Variants in ANO1 observed in about 807,000 individuals in gnomAD.
ANO1 encodes anoctamin 1, also known as anoctamin-1.
Under a neutral mutation model 124.0 loss-of-function variants are expected in ANO1, and 59 were observed. The ratio of observed to expected loss-of-function variants is 0.48; its 90% confidence interval spans 0.39 to 0.59. The LOEUF (loss-of-function observed/expected upper bound fraction) is 0.59, where lower values mean the gene tolerates loss of function less well. ANO1 is among the 20% of genes least tolerant of loss of function. The pLI is 0.00. For synonymous variants in ANO1, 529 were observed against 532.0 expected, an observed-to-expected ratio of 0.99 and a Z score of 0.08; for missense variants, 1,059 against 1,328.0, an observed-to-expected ratio of 0.80 and a Z score of 3.15.
chr11:70,164,169 C>T (rs2048166190), intron 19 of ANO1, among the ~76,000 whole-genome samples: 1 of 152,210 alleles, frequency 6.6e-6, no homozygotes, highest in Non-Finnish European at 1.5e-5. Context: ...GGGGCTCCAT[C>T]AGACCAAGCC....
chr11:70,041,759 C>T (rs532804065), intron 1 of ANO1, among the ~76,000 whole-genome samples: 11 of 151,984 alleles, frequency 7.2e-5, no homozygotes, highest in African/African-American at 2.2e-4. Context: ...TACTTCCTTC[C>T]CTATTAGTAG....
intron 7 of ANO1, among the ~76,000 whole-genome samples, chr11:70,115,145 T>G (rs2045927363): frequency 6.6e-6 from 1 of 152,164 alleles, no homozygotes; most frequent in Non-Finnish European, 1.5e-5. Context: ...TAAACTGCTC[T>G]CAGAGCGTCT....
intron 10 of ANO1, among the ~76,000 whole-genome samples, chr11:70,127,792 A>G (rs1380476188): frequency 1.3e-5 from 2 of 152,162 alleles, no homozygotes; most frequent in Admixed American, 6.5e-5. Context: ...ATTTCCTGAC[A>G]TGAACCTAAG....
chr11:70,095,574 T>C (rs1346660147), intron 2 of ANO1, among the ~76,000 whole-genome samples: 1 of 152,256 alleles, frequency 6.6e-6, no homozygotes, highest in Admixed American at 6.5e-5. Context: ...ATTCTGGCTA[T>C]AGTTCTGAGG....
chr11:70,187,779 C>G lies in ANO1; in HGVS notation c.2736C>G (p.Ile912Met), dbSNP rs747605502. The part of the protein sequence containing the change: ...MFMSDFVDWV[I>M]PDIPKDISQQ... ...TGAGCGACTTTGTGGACTGGGTCAT[C>G]CCGGACATCCCCAAGGACATCAGCC... The change falls in exon 26 of 26, where the codon ATC becomes ATG. Residue 912 changes from isoleucine (I) to methionine (M), a missense_variant. This residue lies in a region of ANO1 where 809 missense variants were observed against 1,094.9 expected (regional missense o/e 0.74). Transcript: ENST00000355303. 1.2e-6 allele frequency: 2 copies of G among 1,609,462 alleles called. No individual in the cohort carries two copies. The highest frequency in any genetic ancestry group is 1.7e-5 in the Admixed American group (1 of 59,394).
At chr11:69,987,734 T>A (rs1266798799) in intron 1 of ANO1, among the ~76,000 whole-genome samples, 1 of 151,678 alleles carries the variant, frequency 6.6e-6, no homozygotes, top group Non-Finnish European at 1.5e-5. Flanking sequence ...TTCTAGGACA[T>A]CTTGAGGAAA....
intron 16 of ANO1, among the ~76,000 whole-genome samples, chr11:70,158,733 T>G (rs2047921579): frequency 6.6e-6 from 1 of 152,236 alleles, no homozygotes; most frequent in Non-Finnish European, 1.5e-5. Context: ...TGTCCCCTCA[T>G]GCTCTTAGGT....
At position 70,080,593 on chromosome 11, in the gene ANO1, A is replaced by C. The variant is rs543977337; in HGVS notation, c.108+1879A>C. ...CTGTCATGAATAGCCCCCGGTCTCTAGAGTTTTTGTTCCAGGACCCATTGC... is the reference window on the plus strand; with the variant it reads ...CTGTCATGAATAGCCCCCGGTCTCTCGAGTTTTTGTTCCAGGACCCATTGC... On this transcript the variant is annotated intron_variant, in intron 1 of 25. Coordinates refer to ENST00000355303, the MANE Select transcript of ANO1 (RefSeq NM_018043.7). Among the ~76,000 whole-genome samples the C allele has an allele frequency of 2.6e-5, 4 of 152,284 alleles. No homozygotes were observed. The South Asian group carries it at 6.2e-4, about 24-fold the overall frequency.
intron 1 of ANO1, among the ~76,000 whole-genome samples, chr11:69,990,419 C>T (rs1318146576): frequency 6.6e-6 from 1 of 152,182 alleles, no homozygotes; most frequent in Non-Finnish European, 1.5e-5. Flanking sequence ...GTTATTTCCA[C>T]CTTTTGGCTA....
At chr11:70,167,207 C>T (rs2048288787) in intron 20 of ANO1, 35 bp from the exon 21 acceptor site, 2 of 1,610,712 alleles carry the variant, frequency 1.2e-6, no homozygotes, top group Non-Finnish European at 1.7e-6. Flanking sequence ...ATTCACCCTC[C>T]TGCAAACCTA....
At chr11:70,167,060 T>C (rs1328997155) in intron 20 of ANO1, among the ~76,000 whole-genome samples, 182 bp from the exon 21 acceptor site, 1 of 152,044 alleles carries the variant, frequency 6.6e-6, no homozygotes, top group Non-Finnish European at 1.5e-5. Flanking sequence ...GGCAAGAGAA[T>C]TGCTTGAACC....
intron 18 of ANO1, among the ~76,000 whole-genome samples, chr11:70,162,348 G>T (rs887240978): frequency 2.0e-5 from 3 of 152,104 alleles, no homozygotes; most frequent in African/African-American, 7.2e-5. Context: ...CAGGCAGTGG[G>T]AAGCTCCAGC....
In ANO1 at chr11:70,153,044, G is replaced by A. The variant is rs747510665; in HGVS notation, c.1354-13G>A. ...TTAACAAGGACTCTGTCTTGACTTG[G>A]TTTCATTCACAGGATCATCCTAGAG... On this transcript the variant is annotated splice_polypyrimidine_tract_variant and intron_variant, in intron 13 of 25. Transcript: ENST00000355303. 3 of 1,598,034 alleles carry A rather than the reference G, an allele frequency of 1.9e-6. No homozygotes were observed. The highest frequency in any genetic ancestry group is 2.6e-6 in the Non-Finnish European group (3 of 1,172,160).
chr11:70,078,819 G>T (rs1011452806), intron 1 of ANO1, 105 bp downstream of exon 1: 7 of 605,212 alleles, frequency 1.2e-5, no homozygotes, highest in African/African-American at 8.0e-5. Context: ...CAGGGCGGGG[G>T]CCGCACCCTC....
chr11:70,182,556 A>T lies in ANO1; in HGVS notation c.2458A>T (p.Met820Leu). Residue 820 changes from methionine (M) to leucine (L), a missense_variant, in exon 24 of 26, where the codon ATG (methionine) becomes TTG (leucine). Met to Leu is a conservative substitution (Grantham distance 15). Around this residue, in one of 2 missense-constraint regions of ANO1, gnomAD observed 809 missense variants for 1,094.9 expected, o/e 0.74. Coordinates refer to ENST00000355303, the MANE Select transcript of ANO1 (RefSeq NM_018043.7). ...CATCCCGCGCCTGGTGTACCTCTAC[A>T]TGTACAGTAAGAACGGGACCATGCA... ...DFIPRLVYLY[M>L]YSKNGTMHGF... The T allele has an allele frequency of 6.2e-7, 1 of 1,612,876 alleles. No homozygotes were observed. Among genetic ancestry groups the T allele is most frequent in the South Asian group, 1.1e-5 (1 of 90,958 alleles).
rs773417382 is a variant in ANO1, at chr11:70,167,302, G to A, written c.2112G>A (p.Glu704=). ...AGCAGCAGAGCCCCCCTGACCACGAGGAGTGTGTGAAGAGGAAACAGCGGT... is the reference window on the plus strand; with the variant it reads ...AGCAGCAGAGCCCCCCTGACCACGAAGAGTGTGTGAAGAGGAAACAGCGGT... ...KLKQQSPPDH[E]ECVKRKQRYE... Residue 704 remains glutamate (E), a synonymous_variant, in exon 21 of 26, where the codon GAG becomes GAA. Transcript: ENST00000355303. 2 of 1,613,994 alleles carry A rather than the reference G, an allele frequency of 1.2e-6. No individual in the cohort carries two copies. Among genetic ancestry groups the A allele is most frequent in the Admixed American group, 1.7e-5 (1 of 60,012 alleles).
At chr11:70,037,506 A>G (rs1857114549) in intron 1 of ANO1, among the ~76,000 whole-genome samples, 1 of 152,016 alleles carries the variant, frequency 6.6e-6, no homozygotes, top group African/African-American at 2.4e-5. Flanking sequence ...AGGCCCAAGC[A>G]TGAAGGTGGG....
At chr11:70,103,892 G>T in intron 3 of ANO1, 107 bp from the exon 4 acceptor site, 2 of 1,249,418 alleles carry the variant, frequency 1.6e-6, no homozygotes, top group East Asian at 2.6e-5. Flanking sequence ...CTCTCAGGAC[G>T]CCCCGTTGCA....
At chr11:70,157,823 A>T (rs1364751959) in intron 16 of ANO1, among the ~76,000 whole-genome samples, 1 of 152,038 alleles carries the variant, frequency 6.6e-6, no homozygotes, top group Non-Finnish European at 1.5e-5. Flanking sequence ...AAAACCAAAA[A>T]TACAAAAATT....
Sources: gnomAD v4.1 joint callset for allele counts (sites outside exome capture counted in the v4.1 genomes callset) on GRCh38, gnomAD v4.1.1 for gene constraint, gnomAD v4.1.1 regional missense constraint, MANE v1.5 for transcripts, NCBI Gene and HGNC (gene_info 2026-07-23, HGNC 2026-07-21) for gene names.